PCDHA6: variants seen among roughly 807,000 people sequenced by gnomAD.
PCDHA6 encodes protocadherin alpha-6.
Under a neutral mutation model 60.3 loss-of-function variants are expected in PCDHA6, and 55 were observed. The observed-to-expected ratio is 0.91, with a 90% CI of 0.73 to 1.14. PCDHA6 has a LOEUF of 1.14. PCDHA6 is among the 50% of genes most tolerant of loss of function. The pLI, the probability that PCDHA6 is intolerant of heterozygous loss-of-function variation, is 0.00. For missense variants in PCDHA6, 1,327 were observed against 1,256.5 expected (o/e 1.06, Z -0.85); for synonymous variants, 652 against 557.9 (o/e 1.17, Z -2.38).
Position 140,877,092 on chromosome 5 carries a change from C to T in PCDHA6, c.2394+46607C>T, listed in dbSNP as rs200462899. On this transcript the variant is annotated intron_variant, in intron 1 of 3. Coordinates refer to ENST00000529310, the MANE Select transcript of PCDHA6 (RefSeq NM_018909.4). ...AGTTCCAGGTGAGCGCGCGCGACGCCGGCGTGCCGCCTCTGGGCAGCAACG... is the reference window on the plus strand; with the variant it reads ...AGTTCCAGGTGAGCGCGCGCGACGCTGGCGTGCCGCCTCTGGGCAGCAACG... The T allele has an allele frequency of 2.9e-3, 4,637 of 1,613,220 alleles. 21 individuals carry two copies. Among genetic ancestry groups the T allele is most frequent in the African/African-American group, 0.01 (785 of 75,014 alleles).
rs1554262827 is a variant in PCDHA6 at position 141,010,253 on chromosome 5, C to A, written c.*316C>A. The A allele has an allele frequency of 3.2e-6, 5 of 1,551,834 alleles. No homozygotes were observed. The highest frequency in any genetic ancestry group is 1.7e-4 in the Middle Eastern group (1 of 5,990). On this transcript the variant is annotated 3_prime_UTR_variant, in exon 4 of 4. Transcript: ENST00000529310. ...CGCCAGTGAGAGGTTGGACTCTCTG[C>A]CCTGTGCTCCGGGGATCCTGTCTTG...
chr5:140,856,253 A>T lies in PCDHA6; in HGVS notation c.2394+25768A>T, dbSNP rs545226629. On this transcript the variant is annotated intron_variant, in intron 1 of 3. Coordinates refer to ENST00000529310, the MANE Select transcript of PCDHA6 (RefSeq NM_018909.4). ...GCGCCTGTTCCGGGTGGCGTCCAAA[A>T]GACACGGGGACCTTCTGGAGGTAAA... The T allele has an allele frequency of 1.3e-6, 2 of 1,598,032 alleles. 1 individual carries two copies. The highest frequency in any genetic ancestry group is 2.7e-5 in the African/African-American group (2 of 74,378).
chr5:141,007,812 G>C (rs1446053616), intron 3 of PCDHA6, among the ~76,000 whole-genome samples: 2 of 152,078 alleles, frequency 1.3e-5, no homozygotes, highest in Non-Finnish European at 2.9e-5. Context: ...CCATTCATTT[G>C]CCTTCCCCCA....
At chr5:140,993,358 A>G (rs1197499617) in intron 3 of PCDHA6, among the ~76,000 whole-genome samples, 7 of 151,988 alleles carry the variant, frequency 4.6e-5, no homozygotes, top group Admixed American at 4.6e-4. Context: ...AGATCCTCAC[A>G]AAAACTACCT....
intron 1 of PCDHA6, chr5:140,882,963 T>C (rs2059384915): frequency 3.7e-6 from 6 of 1,614,088 alleles, no homozygotes; most frequent in Admixed American, 1.7e-5. Context: ...CTCATCACGA[T>C]TCTGGACGTG....
At chr5:140,982,213 A>G in intron 2 of PCDHA6, 2 of 482,032 alleles carry the variant, frequency 4.1e-6, no homozygotes, top group South Asian at 8.1e-5. Context: ...TGAGCGCCAC[A>G]TGGCGTTAAT....
At position 140,828,520 on chromosome 5, in the gene PCDHA6, C is replaced by T. The variant is rs2150156351; in HGVS notation, c.429C>T (p.Tyr143=). Residue 143 remains tyrosine (Y), a synonymous_variant, in exon 1 of 4, where the codon TAC becomes TAT. Coordinates refer to ENST00000529310, the MANE Select transcript of PCDHA6 (RefSeq NM_018909.4). ...FPVEEQRVLI[Y]ESRLPDSVFP... ...TAGAGGAACAAAGAGTGCTGATTTA[C>T]GAATCTAGGCTGCCAGATTCTGTGT... 3.1e-6 allele frequency: 5 copies of T among 1,614,196 alleles called. No individual in the cohort carries two copies. In the African/African-American group the frequency reaches 4.0e-5, roughly 13 times the overall value.
chr5:140,840,170 C>T (rs1278225135), intron 1 of PCDHA6, among the ~76,000 whole-genome samples: 3 of 151,784 alleles, frequency 2.0e-5, no homozygotes, highest in African/African-American at 7.3e-5. Context: ...GGGATGTATA[C>T]AAATTTTAAA....
Position 140,845,987 on chromosome 5 carries a change from T to C in PCDHA6, c.2394+15502T>C, listed in dbSNP as rs1259118167. 7.3e-5 allele frequency among the ~76,000 whole-genome samples: 11 copies of C among 149,774 alleles called. 1 individual carries two copies. Among genetic ancestry groups the C allele is most frequent in the Admixed American group, 4.7e-4 (7 of 14,964 alleles). On this transcript the variant is annotated intron_variant, in intron 1 of 3. Coordinates refer to ENST00000529310, the MANE Select transcript of PCDHA6 (RefSeq NM_018909.4). ...TAGGATGTTTCAATATTTTGAATGT[T>C]GTGTGGTGGAATGAAAAAAATCTAA...
intron 3 of PCDHA6, among the ~76,000 whole-genome samples, chr5:140,991,251 A>G (rs2097441392): frequency 6.6e-6 from 1 of 152,306 alleles, no homozygotes; most frequent in South Asian, 2.1e-4. Context: ...GCAGTATTTG[A>G]ACTCATGTCT....
chr5:140,836,306 C>T (rs2150257273), intron 1 of PCDHA6: 4 of 1,613,706 alleles, frequency 2.5e-6, no homozygotes, highest in Non-Finnish European at 3.4e-6. Flanking sequence ...ATGAGACGGA[C>T]GCACCGCGCC....
chr5:140,950,865 T>C (rs1419138561), intron 1 of PCDHA6, among the ~76,000 whole-genome samples: 1 of 152,098 alleles, frequency 6.6e-6, no homozygotes, highest in Non-Finnish European at 1.5e-5. Context: ...TTCTTGTATA[T>C]TCTATATTGT....
At chr5:140,945,366 T>A (rs1367581632) in intron 1 of PCDHA6, among the ~76,000 whole-genome samples, 6 of 152,036 alleles carry the variant, frequency 3.9e-5, no homozygotes, top group Non-Finnish European at 8.8e-5. Context: ...GTTTAAAATG[T>A]CCATATTACC....
At chr5:140,947,627 A>C (rs1375142600) in intron 1 of PCDHA6, among the ~76,000 whole-genome samples, 1 of 151,696 alleles carries the variant, frequency 6.6e-6, no homozygotes, top group Non-Finnish European at 1.5e-5. Context: ...ATATTGAGTC[A>C]TCAGATCGTA....
At chr5:140,857,196 A>G in intron 1 of PCDHA6, 1 of 1,598,586 alleles carries the variant, frequency 6.3e-7, no homozygotes, top group Non-Finnish European at 8.6e-7. Flanking sequence ...GCCAACGGAC[A>G]GGTCACCTGC....
chr5:140,854,184 T>C, intron 1 of PCDHA6: 1 of 612,228 alleles, frequency 1.6e-6, no homozygotes, highest in Non-Finnish European at 2.0e-6. Context: ...AAAGAGTAGT[T>C]TAACTACTCC....
At chr5:140,955,397 A>T (rs1470827673) in intron 1 of PCDHA6, among the ~76,000 whole-genome samples, 19 of 152,128 alleles carry the variant, frequency 1.2e-4, no homozygotes, top group Admixed American at 1.1e-3. Context: ...CAATTATCCC[A>T]TACAGTTCTC....
At chr5:140,960,303 C>G (rs2095539243) in intron 1 of PCDHA6, among the ~76,000 whole-genome samples, 1 of 152,132 alleles carries the variant, frequency 6.6e-6, no homozygotes, top group African/African-American at 2.4e-5. Context: ...TTCATCAATA[C>G]CAACCTCATT....
chr5:140,871,419 C>T, intron 1 of PCDHA6: 1 of 1,613,732 alleles, frequency 6.2e-7, no homozygotes, highest in South Asian at 1.1e-5. Flanking sequence ...TGGCCTTCAG[C>T]CCCAGTCTTC....
Sources: gnomAD v4.1 joint callset for allele counts (sites outside exome capture counted in the v4.1 genomes callset) on GRCh38, gnomAD v4.1.1 for gene constraint, MANE v1.5 for transcripts, NCBI Gene and HGNC (gene_info 2026-07-23, HGNC 2026-07-21) for gene names.